Variants in RASSF3 observed in about 807,000 individuals in gnomAD.
RASSF3 encodes the protein ras association domain-containing protein 3.
In RASSF3, 19 loss-of-function variants were observed where a neutral mutation model predicts 19.9. The observed-to-expected ratio is 0.96, with a 90% CI of 0.67 to 1.40. RASSF3 has a LOEUF of 1.40. Among genes scored for constraint, RASSF3 ranks in the 40% most tolerant of loss-of-function variants. RASSF3 has a pLI of 0.00. For missense variants in RASSF3, 306 were observed against 289.8 expected, an observed-to-expected ratio of 1.06 and a Z score of -0.41; for synonymous variants, 110 against 104.2, an observed-to-expected ratio of 1.06 and a Z score of -0.34.
At chr12:64,581,319 C>T (rs995758313) in intron 2 of RASSF3, among the ~76,000 whole-genome samples, 10 of 152,200 alleles carry the variant, frequency 6.6e-5, no homozygotes, top group Admixed American at 5.9e-4. Flanking sequence ...TAGAACTCTA[C>T]ACGTAGCTTA....
rs189016730 is a variant in RASSF3, at chr12:64,640,602, A to T, written c.111+29859A>T. Among the ~76,000 whole-genome samples the T allele has an allele frequency of 2.7e-3, 408 of 152,260 alleles. 1 individual carries two copies. The highest frequency in any genetic ancestry group is 4.7e-3 in the Non-Finnish European group (323 of 68,004). ...TTATTTCACTTAGAATATTGTCCTC[A>T]AGGTTCATCCATGTTGTTGCAAATG... On this transcript the variant is annotated intron_variant, in intron 1 of 4. Coordinates refer to ENST00000542104, the MANE Select transcript of RASSF3 (RefSeq NM_178169.4).
intron 2 of RASSF3, among the ~76,000 whole-genome samples, chr12:64,554,304 T>C (rs1427262689): frequency 6.6e-6 from 1 of 152,124 alleles, no homozygotes; most frequent in Non-Finnish European, 1.5e-5. Flanking sequence ...TGTGTGGTTT[T>C]TTCATTTGTT....
At chr12:64,538,650 C>CA (rs35777262) in intron 1 of RASSF3, among the ~76,000 whole-genome samples, 10,390 of 150,408 alleles carry the variant, frequency 0.069, 514 homozygotes, top group Middle Eastern at 0.17. Context: ...AGAAAACACA[C>CA]AAAAAAAAAC....
chr12:64,641,414 A>ACACACACACACACACACACACACACG lies in RASSF3; in HGVS notation c.111+30672_111+30673insACACACACACACACACACACACACGC. Among the ~76,000 whole-genome samples the ACACACACACACACACACACACACACG allele has an allele frequency of 4.2e-5, 6 of 142,192 alleles. No individual in the cohort carries two copies. In the South Asian group the frequency reaches 6.6e-4, roughly 16 times the overall value. The allele number at this position is 142,192 out of a possible 152,430, so 93.3% of individuals were successfully genotyped here. A position where few individuals can be genotyped will look rare whatever the true frequency, so the allele number is the denominator to read the frequency against. On this transcript the variant is annotated intron_variant, in intron 1 of 4. Transcript: ENST00000542104. ...CTGTCTCACAGGCGCACACACACAC[A>ACACACACACACACACACACACACACG]CGCGCGCGCGCGCGTTGAAAACAAA...
chr12:64,545,495 T>G (rs187363340), downstream of RASSF3, among the ~76,000 whole-genome samples: 2 of 152,348 alleles, frequency 1.3e-5, no homozygotes, highest in East Asian at 3.9e-4. Context: ...TTACAGAATT[T>G]AAGATTCAGA....
At chr12:64,526,603 G>A (rs1868592540) in intron 1 of RASSF3, among the ~76,000 whole-genome samples, 1 of 152,060 alleles carries the variant, frequency 6.6e-6, no homozygotes, top group African/African-American at 2.4e-5. Context: ...TAGTGTAGTG[G>A]TGTGATCATA....
At chr12:64,679,278 C>G (rs1017735141) in intron 1 of RASSF3, among the ~76,000 whole-genome samples, 4 of 152,202 alleles carry the variant, frequency 2.6e-5, no homozygotes, top group African/African-American at 9.6e-5. Flanking sequence ...CCAGGTTGGT[C>G]TCGAACTCCT....
In RASSF3 at chr12:64,696,113, C is replaced by CA. The variant is rs1592479931; in HGVS notation, c.*1201_*1202insA. The stretch of plus-strand genomic sequence containing the variant: ...TCCCTCCCTCCCTCCCTCCCTCCCT[C>CA]CCTCCCTCCTTCCCTCCCTCTCTCT... On this transcript the variant is annotated 3_prime_UTR_variant, in exon 5 of 5. Transcript: ENST00000542104. The CA allele has an allele frequency of 1.5e-5, 2 of 136,110 alleles. No individual in the cohort carries two copies. The highest frequency in any genetic ancestry group is 3.2e-5 in the Non-Finnish European group (2 of 63,434). The allele number at this position is 136,110 out of a possible 1,614,324, so 8.4% of individuals were successfully genotyped here. A position where few individuals can be genotyped will look rare whatever the true frequency, so the allele number is the denominator to read the frequency against.
At chr12:64,681,586 T>C (rs939610744) in intron 1 of RASSF3, among the ~76,000 whole-genome samples, 20 of 152,214 alleles carry the variant, frequency 1.3e-4, no homozygotes, top group Admixed American at 9.8e-4. Context: ...AGTATATGCT[T>C]TGAAGAGTCT....
At position 64,551,541 on chromosome 12, in the gene RASSF3, A is replaced by C. The variant is rs183152832; in HGVS notation, c.294+9836A>C. On this transcript the variant is annotated intron_variant, in intron 2 of 5. Transcript: ENST00000637125. ...CAGTGAGCCATGATCATGCCACTGC[A>C]CTCCAATCTGGGAGACAGAGTAAGA... Among the ~76,000 whole-genome samples the C allele has an allele frequency of 2.4e-4, 36 of 152,226 alleles. No individual in the cohort carries two copies. The East Asian group carries it at 4.6e-3, about 20-fold the overall frequency.
intron 1 of RASSF3, among the ~76,000 whole-genome samples, chr12:64,618,626 CTTTTGT>C (rs570087968): frequency 1.6e-4 from 25 of 151,906 alleles, no homozygotes; most frequent in African/African-American, 5.8e-4. Context: ...CACGCCCGGC[CTTTTGT>C]TTTTGTTTTT....
rs754797969 is a variant in RASSF3, at chr12:64,628,255, C to G, written c.111+17512C>G. 1.2e-4 allele frequency: 18 copies of G among 152,130 alleles called. No homozygotes were observed. In the East Asian group the frequency reaches 3.3e-3, roughly 28 times the overall value. 9.4% of individuals were successfully genotyped at this position (152,130 alleles called of 1,614,324 possible). On this transcript the variant is annotated intron_variant, in intron 1 of 4. Coordinates refer to ENST00000542104, the MANE Select transcript of RASSF3 (RefSeq NM_178169.4). ...TAAGCCAAAAGAACACTTGATTGTT[C>G]TGAACTTGTATATATTGCAGGAGTT...
intron 2 of RASSF3, among the ~76,000 whole-genome samples, chr12:64,687,152 C>T (rs1486182243): frequency 6.6e-5 from 10 of 151,956 alleles, no homozygotes. Flanking sequence ...TGCCACCACA[C>T]CCAGCTAATT....
intron 1 of RASSF3, among the ~76,000 whole-genome samples, chr12:64,678,375 A>G (rs769881367): frequency 2.6e-5 from 4 of 152,136 alleles, no homozygotes; most frequent in Non-Finnish European, 4.4e-5. Flanking sequence ...CACTTGGAGA[A>G]AGCACCTGTT....
chr12:64,658,025 C>T (rs923761013), intron 1 of RASSF3, among the ~76,000 whole-genome samples: 41 of 152,154 alleles, frequency 2.7e-4, no homozygotes, highest in Non-Finnish European at 2.6e-4. Context: ...GCACTCCAGC[C>T]TGGGTGACAG....
At chr12:64,672,369 G>T (rs1872728437) in intron 1 of RASSF3, among the ~76,000 whole-genome samples, 1 of 152,102 alleles carries the variant, frequency 6.6e-6, no homozygotes, top group Non-Finnish European at 1.5e-5. Flanking sequence ...GGGATTACAG[G>T]CCGGTGCCAC....
chr12:64,576,400 G>A (rs1251974244), intron 2 of RASSF3, among the ~76,000 whole-genome samples: 12 of 152,138 alleles, frequency 7.9e-5, no homozygotes, highest in Admixed American at 7.9e-4. Flanking sequence ...TGAATTATAT[G>A]TAAATCTAAA....
chr12:64,583,502 G>A (rs1421157832), intron 2 of RASSF3, among the ~76,000 whole-genome samples: 2 of 152,170 alleles, frequency 1.3e-5, no homozygotes, highest in Non-Finnish European at 2.9e-5. Context: ...TGCGCCTGTA[G>A]TTCCAGCTAC....
chr12:64,551,116 G>A (rs1869153101), intron 2 of RASSF3, among the ~76,000 whole-genome samples: 2 of 152,040 alleles, frequency 1.3e-5, no homozygotes, highest in Non-Finnish European at 2.9e-5. Context: ...CCCAAAGATG[G>A]CCACTAGACT....
Sources: allele counts gnomAD v4.1 joint callset (sites outside exome capture counted in the v4.1 genomes callset), GRCh38; gene constraint gnomAD v4.1.1; transcripts MANE v1.5; gene names NCBI Gene and HGNC (gene_info 2026-07-23, HGNC 2026-07-21).